Variants in NPHP4 observed in about 807,000 individuals in gnomAD.
The protein encoded by NPHP4 is nephrocystin-4.
NPHP4 carries 151 observed loss-of-function variants against 155.8 expected under a neutral mutation model. That is an observed-to-expected ratio of 0.97 (90% CI 0.85 to 1.11). NPHP4 has a LOEUF of 1.11. Ranked by LOEUF, NPHP4 falls within the 50% of genes least tolerant of loss-of-function variation. The pLI is 0.00. For missense variants in NPHP4, 1,956 were observed against 1,925.7 expected (o/e 1.02, Z -0.29); for synonymous variants, 845 against 816.8 (o/e 1.03, Z -0.59).
At chr1:5,869,248 CACACAT>C (rs915772759) in intron 23 of NPHP4, among the ~76,000 whole-genome samples, 7 of 151,730 alleles carry the variant, frequency 4.6e-5, no homozygotes, top group African/African-American at 1.7e-4. Flanking sequence ...CACACACACA[CACACAT>C]GCACACCCAC....
At chr1:5,948,979 T>C (rs1408097461) in intron 7 of NPHP4, among the ~76,000 whole-genome samples, 1 of 152,238 alleles carries the variant, frequency 6.6e-6, no homozygotes, top group Non-Finnish European at 1.5e-5. Context: ...TTTTCTTTAC[T>C]GTCCATTAAT....
chr1:5,933,648 CCT>C (rs1448582707), intron 9 of NPHP4, among the ~76,000 whole-genome samples: 2 of 152,118 alleles, frequency 1.3e-5, no homozygotes, highest in Non-Finnish European at 2.9e-5. Flanking sequence ...TTTATGAACC[CCT>C]GTTCCCATAA....
At chr1:5,924,446 G>A (rs1025818123) in intron 11 of NPHP4, among the ~76,000 whole-genome samples, 6 of 152,104 alleles carry the variant, frequency 3.9e-5, no homozygotes, top group Admixed American at 3.3e-4. Context: ...CAGAGGCAGT[G>A]GCAGACTGGT....
chr1:5,973,025 C>A (rs573116938), intron 3 of NPHP4, among the ~76,000 whole-genome samples: 5 of 152,316 alleles, frequency 3.3e-5, no homozygotes, highest in African/African-American at 1.2e-4. Flanking sequence ...GCTGGGATTA[C>A]GCGTGTGTGC....
intron 10 of NPHP4, among the ~76,000 whole-genome samples, chr1:5,928,244 G>A (rs1229424233): frequency 6.6e-6 from 1 of 152,102 alleles, no homozygotes; most frequent in Non-Finnish European, 1.5e-5. Context: ...ATCTATGACT[G>A]CTTCCCCAGC....
chr1:5,891,315 G>A (rs922382736), intron 16 of NPHP4, among the ~76,000 whole-genome samples: 1 of 152,210 alleles, frequency 6.6e-6, no homozygotes, highest in Non-Finnish European at 1.5e-5. Context: ...GGGAACAAAT[G>A]TCCTTATGAG....
intron 23 of NPHP4, among the ~76,000 whole-genome samples, chr1:5,868,901 C>T (rs1038738456): frequency 2.7e-5 from 4 of 146,056 alleles, no homozygotes; most frequent in African/African-American, 1.0e-4. Context: ...TGCACGCCCA[C>T]ATGCATGCAC....
intron 7 of NPHP4, among the ~76,000 whole-genome samples, chr1:5,951,722 G>C (rs796390136): frequency 3.7e-4 from 56 of 152,316 alleles, no homozygotes; most frequent in African/African-American, 1.3e-3. Context: ...TTATCGCCTA[G>C]AAAACATAAG....
rs572497035 is a variant in NPHP4 at position 5,952,816 on chromosome 1, G to T, written c.694C>A (p.Arg232Ser). Reference sequence around the variant, plus strand: ...TGCCCCGTGATGGGCTTCTGGAGGCGAGGCTTTCGGAGAGCGTCGCCTGAA... The same window carrying T: ...TGCCCCGTGATGGGCTTCTGGAGGCTAGGCTTTCGGAGAGCGTCGCCTGAA... The part of the protein sequence containing the change: ...GESGDALRKP[R>S]LQKPITGHLD... Residue 232 changes from arginine to serine, a missense_variant, in exon 7 of 30, where the codon CGC (arginine) becomes AGC (serine). Arg to Ser is a moderately radical substitution (Grantham distance 110). Coordinates refer to ENST00000378156, the MANE Select transcript of NPHP4 (RefSeq NM_015102.5). The T allele has an allele frequency of 6.2e-7, 1 of 1,600,734 alleles. No individual in the cohort carries two copies. The highest frequency in any genetic ancestry group is 8.5e-7 in the Non-Finnish European group (1 of 1,173,894).
intron 10 of NPHP4, among the ~76,000 whole-genome samples, chr1:5,929,023 T>C (rs1193592604): frequency 3.5e-5 from 5 of 144,234 alleles, no homozygotes; most frequent in Non-Finnish European, 1.5e-5. Flanking sequence ...ATCCCCTAAC[T>C]ATTTTGTTAG....
At chr1:5,916,041 C>T (rs1198661071) in intron 11 of NPHP4, among the ~76,000 whole-genome samples, 3 of 152,104 alleles carry the variant, frequency 2.0e-5, no homozygotes, top group Non-Finnish European at 2.9e-5. Context: ...TTGCAATGAC[C>T]CCTTCTACAT....
In NPHP4 at chr1:5,944,209, T is replaced by A. The variant is rs1346805986; in HGVS notation, c.1119+2895A>T. On this transcript the variant is annotated intron_variant, in intron 9 of 29. Transcript: ENST00000378156. The surrounding 1 kb of genome is among the most constrained non-coding windows in gnomAD (Gnocchi z 4.3). ...GTGGGGCCCATCGCACCAGCCAGCC[T>A]GTTTTCAGCTGTGCTTACAGCTTCC... Among the ~76,000 whole-genome samples, 1 of 152,196 alleles carries A rather than the reference T, an allele frequency of 6.6e-6. No homozygotes were observed. The highest frequency in any genetic ancestry group is 1.5e-5 in the Non-Finnish European group (1 of 68,032).
rs1000557946 is a variant in NPHP4 at position 5,952,839 on chromosome 1, G to A, written c.674-3C>T. Reference sequence around the variant, plus strand: ...GCGAGGCTTTCGGAGAGCGTCGCCTGAAACAGTGAGGGTGCGAAAAGGGTC... The same window carrying A: ...GCGAGGCTTTCGGAGAGCGTCGCCTAAAACAGTGAGGGTGCGAAAAGGGTC... On this transcript the variant is annotated splice_region_variant and splice_polypyrimidine_tract_variant and intron_variant, in intron 6 of 29. Coordinates refer to ENST00000378156, the MANE Select transcript of NPHP4 (RefSeq NM_015102.5). The A allele has an allele frequency of 8.1e-6, 13 of 1,597,212 alleles. No homozygotes were observed. The highest frequency in any genetic ancestry group is 1.1e-5 in the Non-Finnish European group (13 of 1,172,040).
intron 23 of NPHP4, 85 bp downstream of exon 23, chr1:5,873,167 A>T: frequency 1.3e-5 from 15 of 1,184,636 alleles, no homozygotes; most frequent in African/African-American, 3.0e-5. Flanking sequence ...CCTCCCCTCC[A>T]GGAGGGGAGA....
At chr1:5,943,131 G>C (rs911841742) in intron 9 of NPHP4, among the ~76,000 whole-genome samples, 2 of 152,192 alleles carry the variant, frequency 1.3e-5, no homozygotes, top group Non-Finnish European at 2.9e-5. Context: ...CTGGACAGGA[G>C]GGACTACTTC....
At chr1:5,898,467 C>A (rs777595555) in intron 16 of NPHP4, among the ~76,000 whole-genome samples, 5 of 152,212 alleles carry the variant, frequency 3.3e-5, no homozygotes, top group African/African-American at 1.2e-4. Context: ...GGCGTGGCTG[C>A]CGGAAGCTTC....
chr1:5,943,815 A>T (rs1303460433), intron 9 of NPHP4, among the ~76,000 whole-genome samples: 1 of 152,198 alleles, frequency 6.6e-6, no homozygotes, highest in Admixed American at 6.5e-5. Context: ...GATGGTGTTC[A>T]CAGTGACACT....
At chr1:5,980,595 G>A (rs1490499842) in intron 2 of NPHP4, among the ~76,000 whole-genome samples, 5 of 152,244 alleles carry the variant, frequency 3.3e-5, no homozygotes, top group East Asian at 3.9e-4. Flanking sequence ...AGGAGGAGGC[G>A]AGACAGGGAG....
intron 10 of NPHP4, 84 bp downstream of exon 10, chr1:5,933,063 C>G: frequency 9.0e-7 from 1 of 1,114,484 alleles, no homozygotes; most frequent in South Asian, 1.8e-5. Flanking sequence ...CATCTGCAAA[C>G]ATATTTGTGA....
Sources: allele counts gnomAD v4.1 joint callset (sites outside exome capture counted in the v4.1 genomes callset), GRCh38; gene constraint gnomAD v4.1.1; non-coding constraint Gnocchi (gnomAD v3.1); transcripts MANE v1.5; gene names NCBI Gene and HGNC (gene_info 2026-07-23, HGNC 2026-07-21).